The following CAMTA1 variants were observed in gnomAD, a reference collection of about 807,000 sequenced individuals.
The protein encoded by CAMTA1 is calmodulin-binding transcription activator 1.
Under a neutral mutation model 170.9 loss-of-function variants are expected in CAMTA1, and 27 were observed. That is an observed-to-expected ratio of 0.16 (90% confidence interval 0.12 to 0.22). The LOEUF is 0.22. CAMTA1 is among the 10% of genes least tolerant of loss of function. CAMTA1 has a pLI of 1.00. For missense variants in CAMTA1, 1,619 were observed against 2,217.2 expected (o/e 0.73, Z 5.42); for synonymous variants, 833 against 891.5 (o/e 0.93, Z 1.17).
At position 7,050,303 on chromosome 1, in the gene CAMTA1, GTC is replaced by G. The variant is rs543489427; in HGVS notation, c.235-40999_235-40998del. ...CCTGGGGAGATGGGGCAGGAAGAGA[GTC>G]TGTAGATAATAAGCTGCCTGCACCC... On this transcript the variant is annotated intron_variant, in intron 3 of 22. Coordinates refer to ENST00000303635, the MANE Select transcript of CAMTA1 (RefSeq NM_015215.4). The surrounding 1 kb of genome is among the most constrained non-coding windows in gnomAD (Gnocchi z 4.8). Among the ~76,000 whole-genome samples, 100 of 152,276 alleles carry G rather than the reference GTC, an allele frequency of 6.6e-4. No homozygotes were observed. Among genetic ancestry groups the G allele is most frequent in the Non-Finnish European group, 1.3e-3 (91 of 68,020 alleles).
At chr1:7,379,896 G>A (rs1414254219) in intron 5 of CAMTA1, among the ~76,000 whole-genome samples, 5 of 152,190 alleles carry the variant, frequency 3.3e-5, no homozygotes, top group Admixed American at 6.5e-5. Context: ...TCTGCCTTGC[G>A]CCATGGAGCA....
rs960331975 is a variant in CAMTA1, at chr1:7,014,496, C to T, written c.235-76808C>T. Among the ~76,000 whole-genome samples the T allele has an allele frequency of 2.0e-5, 3 of 152,174 alleles. No homozygotes were observed. Among genetic ancestry groups the T allele is most frequent in the South Asian group, 2.1e-4 (1 of 4,834 alleles). On this transcript the variant is annotated intron_variant, in intron 3 of 22. Transcript: ENST00000303635. This position sits in a 1 kb window ranked among gnomAD's most constrained non-coding sequence, Gnocchi z 4.2. Reference sequence around the variant, plus strand: ...CCCTGCCCCAGCCTGCCCCATTAGACAGGGCATGGTGAGGCGAATGGCTGC... The same window carrying T: ...CCCTGCCCCAGCCTGCCCCATTAGATAGGGCATGGTGAGGCGAATGGCTGC...
At position 7,398,183 on chromosome 1, in the gene CAMTA1, C is replaced by A. The variant is rs1211204999; in HGVS notation, c.439-69647C>A. The stretch of plus-strand genomic sequence containing the variant: ...TCTCTCTCTCTCTCTCTCTCTCTCT[C>A]TCTCTCTCTCTATATATATATATAT... On this transcript the variant is annotated intron_variant, in intron 5 of 22. Transcript: ENST00000303635. Among the ~76,000 whole-genome samples the A allele has an allele frequency of 4.8e-3, 219 of 45,206 alleles. 2 individuals are homozygous for A. Among genetic ancestry groups the A allele is most frequent in the African/African-American group, 0.017 (198 of 11,416 alleles). 29.7% of individuals were successfully genotyped at this position (45,206 alleles called of 152,430 possible). A position where few individuals can be genotyped will look rare whatever the true frequency, so the allele number is the denominator to read the frequency against.
intron 6 of CAMTA1, among the ~76,000 whole-genome samples, chr1:7,621,663 G>A (rs763649751): frequency 1.5e-4 from 23 of 152,180 alleles, no homozygotes; most frequent in Admixed American, 1.1e-3. Context: ...TACTTAAATC[G>A]CAAGGAAAGT....
At chr1:6,799,344 C>G (rs942660294) in intron 1 of CAMTA1, among the ~76,000 whole-genome samples, 2 of 152,022 alleles carry the variant, frequency 1.3e-5, no homozygotes, top group African/African-American at 4.8e-5. Context: ...GCCAGGCTTA[C>G]AGGCATGAGC....
At position 6,819,006 on chromosome 1, in the gene CAMTA1, G is replaced by A. The variant is rs1413924327; in HGVS notation, c.46-1175G>A. ...CTGTTGCCCAGGCTGGAGCAGGAGT[G>A]TAGTGGTGTTATCATGGTTCACTGC... On this transcript the variant is annotated intron_variant, in intron 1 of 22. Transcript: ENST00000303635. 3.9e-5 allele frequency among the ~76,000 whole-genome samples: 6 copies of A among 152,030 alleles called. No homozygotes were observed. The East Asian group carries it at 9.6e-4, about 24-fold the overall frequency.
At chr1:7,276,296 TATATA>T (rs1670628753) in intron 5 of CAMTA1, among the ~76,000 whole-genome samples, 3 of 14,206 alleles carry the variant, frequency 2.1e-4, no homozygotes, top group African/African-American at 2.9e-4. Flanking sequence ...TATATATATA[TATATA>T]TATTTTTTTT....
At chr1:7,648,854 G>C (rs980118748) in intron 7 of CAMTA1, among the ~76,000 whole-genome samples, 5 of 152,190 alleles carry the variant, frequency 3.3e-5, no homozygotes, top group African/African-American at 1.2e-4. Context: ...AGGTTCTTGT[G>C]CTGGGGTCCC....
intron 22 of CAMTA1, among the ~76,000 whole-genome samples, chr1:7,760,347 C>T (rs1463113709): frequency 1.3e-5 from 2 of 152,224 alleles, no homozygotes; most frequent in African/African-American, 4.8e-5. Flanking sequence ...GAAAATTACG[C>T]TTACACTTTT....
rs892678251 is a variant in CAMTA1 at position 7,064,676 on chromosome 1, A to G, written c.235-26628A>G. Among the ~76,000 whole-genome samples, 1 of 149,428 alleles carries G rather than the reference A, an allele frequency of 6.7e-6. No homozygotes were observed. Among genetic ancestry groups the G allele is most frequent in the African/African-American group, 2.5e-5 (1 of 40,384 alleles). On this transcript the variant is annotated intron_variant, in intron 3 of 22. Transcript: ENST00000303635. The surrounding 1 kb of genome is among the most constrained non-coding windows in gnomAD (Gnocchi z 5.4). ...GCAAACAGATGGGAAAGACTGAAGC[A>G]TGTCCCGGGACTGAAGGAAGTGGGG...
chr1:7,078,920 A>G (rs542628187), intron 3 of CAMTA1, among the ~76,000 whole-genome samples: 1 of 152,358 alleles, frequency 6.6e-6, no homozygotes, highest in South Asian at 2.1e-4. Context: ...AGGGCAGAAT[A>G]TCATACAGGA....
chr1:7,383,019 T>C (rs778016393), intron 5 of CAMTA1, among the ~76,000 whole-genome samples: 1 of 152,202 alleles, frequency 6.6e-6, no homozygotes. Flanking sequence ...GGGAATATAA[T>C]GATGAACAAA....
chr1:7,373,646 G>C (rs892187246), intron 5 of CAMTA1, among the ~76,000 whole-genome samples: 8 of 152,194 alleles, frequency 5.3e-5, no homozygotes, highest in Non-Finnish European at 8.8e-5. Context: ...TTTTTGCCTT[G>C]TGGGGAAACT....
rs557480351 is a variant in CAMTA1, at chr1:7,197,842, C to T, written c.303-51649C>T. Among the ~76,000 whole-genome samples, 21 of 152,150 alleles carry T rather than the reference C, an allele frequency of 1.4e-4. No individual in the cohort carries two copies. In the East Asian group the frequency reaches 3.7e-3, roughly 27 times the overall value. On this transcript the variant is annotated intron_variant, in intron 4 of 22. Coordinates refer to ENST00000303635, the MANE Select transcript of CAMTA1 (RefSeq NM_015215.4). ...GAGTGGTCTTCAAATCCAGGTCATGCCCCTTTTCGGGACACTGGAACATTC... is the reference window on the plus strand; with the variant it reads ...GAGTGGTCTTCAAATCCAGGTCATGTCCCTTTTCGGGACACTGGAACATTC...
chr1:7,362,859 G>A (rs6677597), intron 5 of CAMTA1, among the ~76,000 whole-genome samples: 1 of 151,680 alleles, frequency 6.6e-6, no homozygotes, highest in African/African-American at 2.4e-5. Flanking sequence ...CTTGAATAGA[G>A]TGAGTGGATT....
At chr1:7,177,287 C>T in intron 4 of CAMTA1, among the ~76,000 whole-genome samples, 1 of 151,456 alleles carries the variant, frequency 6.6e-6, no homozygotes, top group East Asian at 1.9e-4. Context: ...CAGGCTCCTC[C>T]CACATGCTGA....
At chr1:7,036,113 A>T (rs1310359632) in intron 3 of CAMTA1, among the ~76,000 whole-genome samples, 1 of 152,070 alleles carries the variant, frequency 6.6e-6, no homozygotes, top group Admixed American at 6.5e-5. Context: ...GGAGAATGAG[A>T]TGGGCAGGTA....
chr1:7,633,059 G>A lies in CAMTA1; in HGVS notation c.511-7341G>A, dbSNP rs974196876. On this transcript the variant is annotated intron_variant, in intron 6 of 22. Coordinates refer to ENST00000303635, the MANE Select transcript of CAMTA1 (RefSeq NM_015215.4). This position sits in a 1 kb window ranked among gnomAD's most constrained non-coding sequence, Gnocchi z 4.1. ...GGTTCAGGCTAGCACTAAAGGGCCTGCTTAACACAGAGCAGGCATTCTCTG... is the reference window on the plus strand; with the variant it reads ...GGTTCAGGCTAGCACTAAAGGGCCTACTTAACACAGAGCAGGCATTCTCTG... Among the ~76,000 whole-genome samples the A allele has an allele frequency of 6.6e-6, 1 of 152,208 alleles. No individual in the cohort carries two copies. The highest frequency in any genetic ancestry group is 6.5e-5 in the Admixed American group (1 of 15,284).
intron 4 of CAMTA1, among the ~76,000 whole-genome samples, chr1:7,180,739 G>A (rs546815615): frequency 5.2e-4 from 79 of 152,016 alleles, no homozygotes; most frequent in Non-Finnish European, 9.9e-4. Flanking sequence ...CTTGAGCACC[G>A]GGGCTCAAAC....
Sources: allele counts gnomAD v4.1 joint callset (sites outside exome capture counted in the v4.1 genomes callset), GRCh38; gene constraint gnomAD v4.1.1; non-coding constraint Gnocchi (gnomAD v3.1); transcripts MANE v1.5; gene names NCBI Gene and HGNC (gene_info 2026-07-23, HGNC 2026-07-21).